EPHA6: variants seen among roughly 807,000 people sequenced by gnomAD.
EPHA6 encodes the protein EPH receptor A6.
EPHA6 carries 50 observed loss-of-function variants against 112.0 expected under a neutral mutation model. That is an observed-to-expected ratio of 0.45 (90% CI 0.36 to 0.56). The LOEUF is 0.56. Among genes scored for constraint, EPHA6 ranks in the 20% least tolerant of loss-of-function variants. The pLI, the probability that EPHA6 is intolerant of heterozygous loss-of-function variation, is 0.00. For missense variants in EPHA6, 1,280 were observed against 1,417.4 expected (o/e 0.90, Z 1.56); for synonymous variants, 529 against 490.7 (o/e 1.08, Z -1.03).
chr3:96,863,394 T>C (rs1043282534), intron 1 of EPHA6, among the ~76,000 whole-genome samples: 2 of 152,088 alleles, frequency 1.3e-5, no homozygotes, highest in East Asian at 3.9e-4. Context: ...TGTGGGGGTT[T>C]TGTATGTGAA....
intron 3 of EPHA6, among the ~76,000 whole-genome samples, chr3:97,084,245 T>C (rs2046823411): frequency 6.6e-6 from 1 of 151,014 alleles, no homozygotes; most frequent in South Asian, 2.1e-4. Context: ...GTACAAATTA[T>C]CACTTGCTAA....
intron 6 of EPHA6, among the ~76,000 whole-genome samples, chr3:97,412,727 A>G (rs1240132166): frequency 1.3e-5 from 2 of 152,114 alleles, no homozygotes; most frequent in Non-Finnish European, 1.5e-5. Flanking sequence ...GGAAATCTAC[A>G]TATACTATCA....
chr3:97,332,883 A>G (rs899764846), intron 5 of EPHA6, among the ~76,000 whole-genome samples: 18 of 152,252 alleles, frequency 1.2e-4, no homozygotes, highest in Admixed American at 8.5e-4. Flanking sequence ...AAGGCTTAAT[A>G]TCACATAGAT....
Position 97,756,210 on chromosome 3 carries a change from A to G in EPHA6, c.*7509A>G, listed in dbSNP as rs1482365492. 6.6e-6 allele frequency among the ~76,000 whole-genome samples: 1 copy of G among 151,948 alleles called. No homozygotes were observed. Among genetic ancestry groups the G allele is most frequent in the East Asian group, 1.9e-4 (1 of 5,200 alleles). On this transcript the variant is annotated 3_prime_UTR_variant, in exon 18 of 18. Transcript: ENST00000389672. Reference sequence around the variant, plus strand: ...GACTGTGCATGCTTTATTTATTACCATATTGTTTTTGTCTTCAGAATAAGT... The same window carrying G: ...GACTGTGCATGCTTTATTTATTACCGTATTGTTTTTGTCTTCAGAATAAGT...
At chr3:97,554,606 C>T (rs555156963) in intron 11 of EPHA6, among the ~76,000 whole-genome samples, 41 of 152,132 alleles carry the variant, frequency 2.7e-4, no homozygotes, top group African/African-American at 9.4e-4. Context: ...TTTTTCCACT[C>T]TTTTCAACAT....
chr3:97,422,432 C>G lies in EPHA6; in HGVS notation c.1731+17158C>G, dbSNP rs1343306894. ...TATCAAAATATATACACCCCCAACACTGGAGTACCCAGATTCATAAAACAG... is the reference window on the plus strand; with the variant it reads ...TATCAAAATATATACACCCCCAACAGTGGAGTACCCAGATTCATAAAACAG... On this transcript the variant is annotated intron_variant, in intron 6 of 17. Transcript: ENST00000389672. 2.6e-5 allele frequency among the ~76,000 whole-genome samples: 4 copies of G among 152,130 alleles called. No individual in the cohort carries two copies. In the South Asian group the frequency reaches 8.3e-4, roughly 31 times the overall value.
intron 1 of EPHA6, among the ~76,000 whole-genome samples, chr3:96,816,837 A>T (rs1458593451): frequency 6.6e-6 from 1 of 152,024 alleles, no homozygotes; most frequent in Non-Finnish European, 1.5e-5. Flanking sequence ...ATTTAAAAGC[A>T]TCGAGATGTT....
At chr3:97,078,680 G>A (rs954310265) in intron 3 of EPHA6, among the ~76,000 whole-genome samples, 1 of 152,030 alleles carries the variant, frequency 6.6e-6, no homozygotes, top group African/African-American at 2.4e-5. Context: ...GTTTTTGTCG[G>A]GTTTGTCAAA....
At chr3:97,116,986 T>C (rs1275390181) in intron 3 of EPHA6, among the ~76,000 whole-genome samples, 1 of 151,704 alleles carries the variant, frequency 6.6e-6, no homozygotes, top group African/African-American at 2.4e-5. Flanking sequence ...CACATCCTTG[T>C]CAACACTTAT....
At chr3:97,151,350 C>A (rs2076166185) in intron 3 of EPHA6, among the ~76,000 whole-genome samples, 2 of 152,016 alleles carry the variant, frequency 1.3e-5, no homozygotes, top group Admixed American at 1.3e-4. Flanking sequence ...TAATTCTGTA[C>A]CAAACAATGG....
intron 14 of EPHA6, among the ~76,000 whole-genome samples, chr3:97,690,281 A>G (rs1180921562): frequency 6.6e-6 from 1 of 152,192 alleles, no homozygotes; most frequent in East Asian, 1.9e-4. Flanking sequence ...TGAGGGTTCT[A>G]ATTTCAGGAC....
intron 5 of EPHA6, among the ~76,000 whole-genome samples, chr3:97,294,945 A>G (rs1363250139): frequency 6.6e-6 from 1 of 151,664 alleles, no homozygotes; most frequent in Non-Finnish European, 1.5e-5. Flanking sequence ...GAGAAATCTG[A>G]TGTTAGTCTG....
At chr3:97,258,874 C>T (rs1273522808) in intron 5 of EPHA6, among the ~76,000 whole-genome samples, 1 of 145,060 alleles carries the variant, frequency 6.9e-6, no homozygotes, top group Admixed American at 6.9e-5. Flanking sequence ...TTGCAATCAA[C>T]ATTCTATATC....
chr3:97,022,657 C>G (rs561261307), intron 3 of EPHA6, among the ~76,000 whole-genome samples: 1 of 152,240 alleles, frequency 6.6e-6, no homozygotes, highest in East Asian at 1.9e-4. Context: ...GCTTCTCAGG[C>G]TGACACTTAC....
chr3:97,003,672 C>A (rs1446692442), intron 3 of EPHA6, among the ~76,000 whole-genome samples: 1 of 151,904 alleles, frequency 6.6e-6, no homozygotes, highest in African/African-American at 2.4e-5. Context: ...TTTATTTCTT[C>A]TTCAAAAAGA....
intron 2 of EPHA6, among the ~76,000 whole-genome samples, chr3:96,890,314 G>T (rs2037880225): frequency 6.6e-6 from 1 of 152,048 alleles, no homozygotes; most frequent in Non-Finnish European, 1.5e-5. Context: ...AAACCAACAA[G>T]AAGACAGATG....
At chr3:96,898,953 G>A (rs1247564053) in intron 2 of EPHA6, among the ~76,000 whole-genome samples, 4 of 151,370 alleles carry the variant, frequency 2.6e-5, no homozygotes, top group South Asian at 2.1e-4. Context: ...GCGTGAACCC[G>A]GGAGGCGGAG....
chr3:97,190,588 TATTA>T (rs1164814306), intron 3 of EPHA6, among the ~76,000 whole-genome samples: 2 of 152,136 alleles, frequency 1.3e-5, no homozygotes, highest in Non-Finnish European at 1.5e-5. Context: ...TTTATGATTT[TATTA>T]TTTATGTTTT....
At chr3:97,655,091 A>G (rs2094129877) in intron 14 of EPHA6, among the ~76,000 whole-genome samples, 1 of 147,944 alleles carries the variant, frequency 6.8e-6, no homozygotes, top group Non-Finnish European at 1.5e-5. Context: ...AAATATATAT[A>G]TTATATGTTA....
Sources: allele counts gnomAD v4.1 joint callset (sites outside exome capture counted in the v4.1 genomes callset), GRCh38; gene constraint gnomAD v4.1.1; transcripts MANE v1.5; gene names NCBI Gene and HGNC (gene_info 2026-07-23, HGNC 2026-07-21).